Variants in MSI2 observed in about 807,000 individuals in gnomAD.
MSI2 encodes musashi RNA binding protein 2.
MSI2 carries 17 observed loss-of-function variants against 45.6 expected under a neutral mutation model. That is an observed-to-expected ratio of 0.37 (90% confidence interval 0.26 to 0.56). The LOEUF is 0.56. Ranked by LOEUF, MSI2 falls within the 20% of genes least tolerant of loss-of-function variation. MSI2 has a pLI of 0.77. For synonymous variants in MSI2, 156 were observed against 158.2 expected, an observed-to-expected ratio of 0.99 and a Z score of 0.11; for missense variants, 293 against 444.2, an observed-to-expected ratio of 0.66 and a Z score of 3.06.
At chr17:57,325,763 G>A (rs1913737157) in intron 5 of MSI2, among the ~76,000 whole-genome samples, 2 of 152,196 alleles carry the variant, frequency 1.3e-5, no homozygotes, top group Admixed American at 6.5e-5. Flanking sequence ...TTAGGAAAAT[G>A]TAGATCAGAT....
chr17:57,349,342 C>T (rs1046260832), intron 5 of MSI2, among the ~76,000 whole-genome samples: 1 of 152,126 alleles, frequency 6.6e-6, no homozygotes, highest in Non-Finnish European at 1.5e-5. Context: ...CCTGAGCTCA[C>T]TAGAGAGGCA....
At chr17:57,551,823 C>T (rs185061976) in intron 7 of MSI2, among the ~76,000 whole-genome samples, 15 of 152,304 alleles carry the variant, frequency 9.8e-5, no homozygotes, top group African/African-American at 3.4e-4. Flanking sequence ...GCGTCCATTG[C>T]TTGGGGCAAG....
chr17:57,354,740 C>A (rs1268210304), intron 5 of MSI2, among the ~76,000 whole-genome samples: 10 of 152,038 alleles, frequency 6.6e-5, no homozygotes, highest in Non-Finnish European at 1.3e-4. Context: ...GGGCCAGATA[C>A]AAGGAGCCTG....
intron 6 of MSI2, among the ~76,000 whole-genome samples, chr17:57,456,145 G>A (rs1048860982): frequency 7.9e-5 from 12 of 152,174 alleles, no homozygotes; most frequent in South Asian, 2.1e-4. Context: ...AGCAAGAAAC[G>A]ATCTTTCCGA....
At chr17:57,583,993 A>G (rs2088277121) in intron 7 of MSI2, among the ~76,000 whole-genome samples, 1 of 152,238 alleles carries the variant, frequency 6.6e-6, no homozygotes, top group African/African-American at 2.4e-5. Context: ...GTTAAAATGC[A>G]GATTCAGGTT....
intron 5 of MSI2, among the ~76,000 whole-genome samples, chr17:57,368,482 G>A (rs2083373430): frequency 1.3e-5 from 2 of 152,192 alleles, no homozygotes; most frequent in Admixed American, 6.5e-5. Context: ...TTGAACCCAG[G>A]AGGCAGAGGT....
In MSI2 at chr17:57,627,182, G is replaced by A; in HGVS notation, c.653-47G>A. 1.9e-6 allele frequency: 3 copies of A among 1,554,164 alleles called. No individual in the cohort carries two copies. The highest frequency in any genetic ancestry group is 1.1e-5 in the South Asian group (1 of 89,794). The stretch of plus-strand genomic sequence containing the variant: ...CTCCGTGAGATTTTACCCCAGACCT[G>A]AGGCGGCTGTACTAACAGGACTCTG... On this transcript the variant is annotated intron_variant, in intron 9 of 13. Coordinates refer to ENST00000284073, the MANE Select transcript of MSI2 (RefSeq NM_138962.4). This position sits in a 1 kb window ranked among gnomAD's most constrained non-coding sequence, Gnocchi z 4.6.
At chr17:57,637,688 T>C (rs1000090373) in intron 10 of MSI2, among the ~76,000 whole-genome samples, 4 of 152,210 alleles carry the variant, frequency 2.6e-5, no homozygotes, top group African/African-American at 9.6e-5. Context: ...CTATTGATCC[T>C]TCCTCACAGG....
chr17:57,309,902 C>G (rs1310925406), intron 5 of MSI2, among the ~76,000 whole-genome samples: 1 of 152,184 alleles, frequency 6.6e-6, no homozygotes. Context: ...GGGCCTGCCA[C>G]GAGAAGCTGG....
intron 5 of MSI2, among the ~76,000 whole-genome samples, chr17:57,325,430 T>C (rs968440494): frequency 2.0e-5 from 3 of 152,204 alleles, no homozygotes; most frequent in Admixed American, 6.5e-5. Context: ...TGAAAACCAC[T>C]TATACCCCAA....
chr17:57,627,404 TC>T lies in MSI2; in HGVS notation c.727+103del. 9.7e-7 allele frequency: 1 copy of T among 1,027,658 alleles called. No homozygotes were observed. Among genetic ancestry groups the T allele is most frequent in the Non-Finnish European group, 1.5e-6 (1 of 650,106 alleles). 63.7% of individuals were successfully genotyped at this position (1,027,658 alleles called of 1,614,324 possible). A position where few individuals can be genotyped will look rare whatever the true frequency, so the allele number is the denominator to read the frequency against. Reference sequence around the variant, plus strand: ...AAAGAGAATGCATTTCTTACATGCATCCACTTGAAAATGACCTATACATGAT... The same window carrying T: ...AAAGAGAATGCATTTCTTACATGCATCACTTGAAAATGACCTATACATGAT... On this transcript the variant is annotated intron_variant, in intron 10 of 13. Transcript: ENST00000284073. The surrounding 1 kb of genome is among the most constrained non-coding windows in gnomAD (Gnocchi z 4.6).
chr17:57,489,760 C>T (rs73329339), intron 6 of MSI2, among the ~76,000 whole-genome samples: 158 of 152,336 alleles, frequency 1.0e-3, no homozygotes, highest in African/African-American at 3.4e-3. Context: ...GTGCCGGACA[C>T]TGGTGACTGA....
At chr17:57,304,266 A>G (rs1345841002) in intron 5 of MSI2, among the ~76,000 whole-genome samples, 1 of 149,454 alleles carries the variant, frequency 6.7e-6, no homozygotes, top group African/African-American at 2.5e-5. Flanking sequence ...TTGAGGCAGG[A>G]GAATCGCTTG....
At chr17:57,619,966 T>G (rs556897790) in intron 9 of MSI2, among the ~76,000 whole-genome samples, 1 of 152,350 alleles carries the variant, frequency 6.6e-6, no homozygotes, top group South Asian at 2.1e-4. Context: ...GGCCTTTGCC[T>G]TTTGCCTGCT....
At position 57,633,200 on chromosome 17, in the gene MSI2, G is replaced by A. The variant is rs879774826; in HGVS notation, c.727+5897G>A. The A allele has an allele frequency of 1.8e-4, 185 of 1,012,014 alleles. 1 individual carries two copies. Among genetic ancestry groups the A allele is most frequent in the Admixed American group, 8.3e-4 (14 of 16,872 alleles). 62.7% of individuals were successfully genotyped at this position (1,012,014 alleles called of 1,614,324 possible). The stretch of plus-strand genomic sequence containing the variant: ...TACCATGGACATACTGTGTGCTGCC[G>A]TCTCTTAGCCTGACAGTGTCCTGTT... On this transcript the variant is annotated intron_variant, in intron 10 of 13. Transcript: ENST00000284073.
intron 5 of MSI2, among the ~76,000 whole-genome samples, chr17:57,378,981 C>T (rs542097334): frequency 6.6e-6 from 1 of 152,202 alleles, no homozygotes; most frequent in South Asian, 2.1e-4. Flanking sequence ...CATCAGCCTG[C>T]GTGTGGGGTC....
chr17:57,691,290 G>A, the MSI2 span, among the ~76,000 whole-genome samples: 11,671 of 151,116 alleles, frequency 0.077, 784 homozygotes, highest in African/African-American at 0.18. Flanking sequence ...TAAGTATTGC[G>A]ATCAGGTAGA....
intron 8 of MSI2, among the ~76,000 whole-genome samples, chr17:57,604,879 C>CT (rs1410726755): frequency 6.6e-6 from 1 of 151,542 alleles, no homozygotes; most frequent in Non-Finnish European, 1.5e-5. Context: ...GGCTCACCCC[C>CT]CCACTCCTTC....
chr17:57,296,222 CAT>C (rs1372891785), intron 5 of MSI2, among the ~76,000 whole-genome samples: 5 of 151,926 alleles, frequency 3.3e-5, no homozygotes, highest in Non-Finnish European at 5.9e-5. Context: ...TGACTCAGAA[CAT>C]ACATTTAAAA....
Sources: allele counts gnomAD v4.1 joint callset (sites outside exome capture counted in the v4.1 genomes callset), GRCh38; gene constraint gnomAD v4.1.1; non-coding constraint Gnocchi (gnomAD v3.1); transcripts MANE v1.5; gene names NCBI Gene and HGNC (gene_info 2026-07-23, HGNC 2026-07-21).